ANK3: variants seen among roughly 807,000 people sequenced by gnomAD.
ANK3 encodes ankyrin 3.
In ANK3, 57 loss-of-function variants were observed where a neutral mutation model predicts 370.9. That is an observed-to-expected ratio of 0.15 (90% confidence interval 0.12 to 0.19). The LOEUF is 0.19. Among genes scored for constraint, ANK3 ranks in the 10% least tolerant of loss-of-function variants. The pLI, the probability that ANK3 is intolerant of heterozygous loss-of-function variation, is 1.00. For synonymous variants in ANK3, 1,929 were observed against 1,946.3 expected, an observed-to-expected ratio of 0.99 and a Z score of 0.23; for missense variants, 4,439 against 5,302.1, an observed-to-expected ratio of 0.84 and a Z score of 5.06.
chr10:60,464,211 A>T (rs2064958373), intron 2 of ANK3, among the ~76,000 whole-genome samples: 1 of 152,176 alleles, frequency 6.6e-6, no homozygotes, highest in African/African-American at 2.4e-5. Context: ...GCTAATCAAG[A>T]GGTGAGAAAA....
chr10:60,154,113 G>C (rs1480852493), intron 23 of ANK3, among the ~76,000 whole-genome samples: 2 of 152,186 alleles, frequency 1.3e-5, no homozygotes, highest in Non-Finnish European at 2.9e-5. Context: ...AAGCAATTAT[G>C]TAACATCGAT....
chr10:60,528,815 C>T (rs2076538066), intron 2 of ANK3, among the ~76,000 whole-genome samples: 1 of 151,956 alleles, frequency 6.6e-6, no homozygotes, highest in Non-Finnish European at 1.5e-5. Flanking sequence ...GTCAGTTGTC[C>T]CCTGGGGGAC....
intron 16 of ANK3, among the ~76,000 whole-genome samples, chr10:60,193,306 T>A (rs370336535): frequency 1.3e-5 from 2 of 152,366 alleles, no homozygotes; most frequent in African/African-American, 4.8e-5. Flanking sequence ...CTAAGTCTTG[T>A]TTGACAAATG....
intron 1 of ANK3, among the ~76,000 whole-genome samples, chr10:60,309,125 G>T (rs965301677): frequency 1.3e-5 from 2 of 152,130 alleles, no homozygotes; most frequent in Admixed American, 6.5e-5. Flanking sequence ...GACTTCATAC[G>T]TGTGTTCTTG....
At chr10:60,589,907 T>C (rs2077886512) in intron 2 of ANK3, among the ~76,000 whole-genome samples, 1 of 152,224 alleles carries the variant, frequency 6.6e-6, no homozygotes, top group Non-Finnish European at 1.5e-5. Flanking sequence ...TTCCTTTCAA[T>C]TTCCACAATT....
intron 2 of ANK3, among the ~76,000 whole-genome samples, chr10:60,596,134 TGAATAA>T (rs1172458858): frequency 6.6e-6 from 1 of 152,264 alleles, no homozygotes. Context: ...TTACCCGACA[TGAATAA>T]GACTATGATA....
intron 2 of ANK3, among the ~76,000 whole-genome samples, chr10:60,582,985 T>C (rs2077776087): frequency 6.6e-6 from 1 of 152,188 alleles, no homozygotes; most frequent in South Asian, 2.1e-4. Flanking sequence ...AGGACTACCA[T>C]ATGATCCAAC....
At chr10:60,652,534 C>T (rs1588975201) in intron 1 of ANK3, among the ~76,000 whole-genome samples, 1 of 151,856 alleles carries the variant, frequency 6.6e-6, no homozygotes, top group East Asian at 1.9e-4. Context: ...GAAATAGAGG[C>T]AGAGGCATAA....
chr10:60,376,887 A>G (rs1251063124), intron 1 of ANK3, among the ~76,000 whole-genome samples: 1 of 152,246 alleles, frequency 6.6e-6, no homozygotes, highest in East Asian at 1.9e-4. Context: ...GTTGGAATAA[A>G]TGCAGATGGA....
intron 1 of ANK3, among the ~76,000 whole-genome samples, chr10:60,289,923 G>A (rs2040941683): frequency 6.6e-6 from 1 of 152,212 alleles, no homozygotes; most frequent in African/African-American, 2.4e-5. Context: ...AGGCTTTCGT[G>A]TGGGACACAG....
chr10:60,467,075 G>A (rs1359543129), intron 2 of ANK3, among the ~76,000 whole-genome samples: 1 of 152,116 alleles, frequency 6.6e-6, no homozygotes, highest in Non-Finnish European at 1.5e-5. Flanking sequence ...TGTATGGTAT[G>A]TAAATTATAT....
intron 28 of ANK3, among the ~76,000 whole-genome samples, chr10:60,104,070 C>T (rs933357327): frequency 1.3e-5 from 2 of 151,888 alleles, no homozygotes; most frequent in African/African-American, 4.8e-5. Context: ...GACACTGGGG[C>T]CTACTTGAAG....
chr10:60,669,388 G>T (rs368987483), intron 1 of ANK3, among the ~76,000 whole-genome samples: 6 of 152,186 alleles, frequency 3.9e-5, no homozygotes, highest in South Asian at 2.1e-4. Flanking sequence ...GGTGATTTTG[G>T]TTTTTTTGCC....
At chr10:60,086,529 T>C (rs2086718173) in intron 30 of ANK3, 148 bp downstream of exon 30, 1 of 638,134 alleles carries the variant, frequency 1.6e-6, no homozygotes, top group Non-Finnish European at 2.5e-6. Context: ...AGAGATGAGG[T>C]GATGGACAAG....
intron 2 of ANK3, among the ~76,000 whole-genome samples, chr10:60,438,172 C>A (rs2185482): frequency 0.37 from 56,135 of 151,560 alleles, 10,658 homozygotes; most frequent in South Asian, 0.43. Context: ...CTAGCTTAAA[C>A]ATAACTTTCA....
rs372185449 is a variant in ANK3, at chr10:60,082,601, G to C, written c.4323+14C>G. 5 of 1,612,820 alleles carry C rather than the reference G, an allele frequency of 3.1e-6. No individual in the cohort carries two copies. Among genetic ancestry groups the C allele is most frequent in the Non-Finnish European group, 4.2e-6 (5 of 1,179,614 alleles). Reference sequence around the variant, plus strand: ...GACCAGGGAAAGACAATTTAAAGCAGTATTAAAAGATACCTTTTTATGTGC... The same window carrying C: ...GACCAGGGAAAGACAATTTAAAGCACTATTAAAAGATACCTTTTTATGTGC... On this transcript the variant is annotated intron_variant, in intron 34 of 43. Transcript: ENST00000280772.
At position 60,389,596 on chromosome 10, in the gene ANK3, C is replaced by T. The variant is rs547467430; in HGVS notation, c.-58G>A. On this transcript the variant is annotated 5_prime_UTR_variant, in exon 1 of 44. Coordinates refer to ENST00000280772, the MANE Select transcript of ANK3 (RefSeq NM_020987.5). The stretch of plus-strand genomic sequence containing the variant: ...CGGCTTCCTTGTAAAAGGTGATATC[C>T]TCAGGCACCTCTAATCAGGCTTACA... The T allele has an allele frequency of 1.9e-6, 3 of 1,600,132 alleles. No homozygotes were observed. The highest frequency in any genetic ancestry group is 2.7e-5 in the African/African-American group (2 of 73,974).
intron 9 of ANK3, among the ~76,000 whole-genome samples, chr10:60,209,469 G>A (rs10761465): frequency 0.27 from 40,328 of 152,020 alleles, 6,196 homozygotes; most frequent in East Asian, 0.48. Flanking sequence ...AACTATTTGT[G>A]TTCCGTGAAG....
intron 2 of ANK3, among the ~76,000 whole-genome samples, chr10:60,542,548 A>G (rs976595235): frequency 7.9e-5 from 12 of 151,924 alleles, no homozygotes; most frequent in African/African-American, 2.7e-4. Context: ...AAGAAAGGGG[A>G]AAAAAATCAC....
Sources: gnomAD v4.1 joint callset for allele counts (sites outside exome capture counted in the v4.1 genomes callset) on GRCh38, gnomAD v4.1.1 for gene constraint, MANE v1.5 for transcripts, NCBI Gene and HGNC (gene_info 2026-07-23, HGNC 2026-07-21) for gene names.